The following LVRN variants were observed in gnomAD, a reference collection of about 807,000 sequenced individuals.
LVRN encodes the protein laeverin, also known as aminopeptidase Q.
In LVRN, 99 loss-of-function variants were observed where a neutral mutation model predicts 111.4. That is an observed-to-expected ratio of 0.89 (90% CI 0.76 to 1.05). LVRN has a LOEUF of 1.05. Among genes scored for constraint, LVRN ranks in the 50% least tolerant of loss-of-function variants. The pLI, the probability that LVRN is intolerant of heterozygous loss-of-function variation, is 0.00. For synonymous variants in LVRN, 488 were observed against 449.5 expected, an observed-to-expected ratio of 1.09 and a Z score of -1.08; for missense variants, 1,414 against 1,206.8, an observed-to-expected ratio of 1.17 and a Z score of -2.54.
chr5:115,993,100 T>A (rs747276204), intron 5 of LVRN, among the ~76,000 whole-genome samples: 1 of 152,224 alleles, frequency 6.6e-6, no homozygotes, highest in Non-Finnish European at 1.5e-5. Flanking sequence ...TTAGTAATTA[T>A]AGCTGTTATA....
chr5:115,990,625 G>A (rs1345535749), intron 4 of LVRN, among the ~76,000 whole-genome samples: 1 of 152,134 alleles, frequency 6.6e-6, no homozygotes, highest in Non-Finnish European at 1.5e-5. Context: ...AGCCTAGAGT[G>A]CAGTGGTGCA....
Position 116,000,415 on chromosome 5 carries a change from C to T in LVRN, c.1516-18C>T. 3.1e-6 allele frequency: 5 copies of T among 1,613,250 alleles called. No homozygotes were observed. Among genetic ancestry groups the T allele is most frequent in the Non-Finnish European group, 4.2e-6 (5 of 1,179,224 alleles). On this transcript the variant is annotated intron_variant, in intron 7 of 19. Transcript: ENST00000357872. ...TATTGAATTTTGTTCAAATAATGGA[C>T]AGCTTCTTTTGTCCTAGGGAGCGTC... is the stretch of plus-strand genomic sequence containing the variant.
rs1033511286 is a variant in LVRN at position 115,965,783 on chromosome 5, C to T, written c.695+2471C>T. On this transcript the variant is annotated intron_variant, in intron 1 of 19. Coordinates refer to ENST00000357872, the MANE Select transcript of LVRN (RefSeq NM_173800.5). ...TCTTGCTGCCCTGTGAAGAAAGTAC[C>T]TTTCTTCCCCTTTCTTCCCCTTCAT... Among the ~76,000 whole-genome samples the T allele has an allele frequency of 2.0e-5, 3 of 151,806 alleles. No individual in the cohort carries two copies. The East Asian group carries it at 6.0e-4, about 30-fold the overall frequency.
Position 116,026,034 on chromosome 5 carries a change from C to G in LVRN, c.2889C>G (p.Ala963=). 6.2e-7 allele frequency: 1 copy of G among 1,613,840 alleles called. No homozygotes were observed. Among genetic ancestry groups the G allele is most frequent in the Middle Eastern group, 1.6e-4 (1 of 6,062 alleles). Residue 963 remains alanine (A), a synonymous_variant, in exon 20 of 20, where the codon GCC becomes GCG. Transcript: ENST00000357872. ...AACACCAGAGGATCAGAGTTCATGC[C>G]AACTTACAGACAATAAAGAATGAAA... ...LEEHQRIRVH[A]NLQTIKNENL...
At position 115,999,868 on chromosome 5, in the gene LVRN, T is replaced by C; in HGVS notation, c.1481T>C (p.Ile494Thr). 2 of 1,613,366 alleles carry C rather than the reference T, an allele frequency of 1.2e-6. No homozygotes were observed. The highest frequency in any genetic ancestry group is 1.1e-5 in the South Asian group (1 of 90,944). ...GTGGAAAATTTCAAAACAAGTGAAATACAGGAACTCTTTGACATATTTACT... is the reference window on the plus strand; with the variant it reads ...GTGGAAAATTTCAAAACAAGTGAAACACAGGAACTCTTTGACATATTTACT... ...MKVENFKTSEIQELFDIFTYS... is the reference protein window; with the variant it reads ...MKVENFKTSETQELFDIFTYS... Residue 494 changes from isoleucine (I) to threonine (T), a missense_variant, in exon 7 of 20, where the codon ATA becomes ACA. Ile to Thr is a moderately conservative substitution (Grantham distance 89). Coordinates refer to ENST00000357872, the MANE Select transcript of LVRN (RefSeq NM_173800.5).
chr5:116,014,613 A>G, intron 16 of LVRN, 86 bp downstream of exon 16: 4 of 1,093,128 alleles, frequency 3.7e-6, no homozygotes, highest in Non-Finnish European at 5.5e-6. Context: ...TGTGGGAATG[A>G]GTGTTTTGCT....
At chr5:116,019,728 C>T (rs934863130) in intron 18 of LVRN, among the ~76,000 whole-genome samples, 3 of 152,204 alleles carry the variant, frequency 2.0e-5, no homozygotes, top group African/African-American at 4.8e-5. Flanking sequence ...CTTTGCGCCC[C>T]TCCCATAAGG....
intron 1 of LVRN, among the ~76,000 whole-genome samples, chr5:115,973,102 G>T (rs1183925871): frequency 1.3e-5 from 2 of 151,826 alleles, no homozygotes; most frequent in Non-Finnish European, 2.9e-5. Flanking sequence ...CTGATTTTTT[G>T]TATTTTTAGT....
intron 19 of LVRN, among the ~76,000 whole-genome samples, chr5:116,025,106 G>T (rs967694842): frequency 6.6e-6 from 1 of 152,156 alleles, no homozygotes; most frequent in Admixed American, 6.6e-5. Flanking sequence ...CACACTATCC[G>T]TGATGTGGAG....
rs1450907146 is a variant in LVRN at position 115,983,371 on chromosome 5, T to C, written c.780T>C (p.Phe260=). ...ATGAGCCAGCTCTGAAGGCAACTTT[T>C]AATATTACAATGATTCATCATCCAA... ...CFDEPALKAT[F]NITMIHHPSY... Residue 260 remains phenylalanine, a synonymous_variant, in exon 2 of 20, where the codon TTT becomes TTC. Coordinates refer to ENST00000357872, the MANE Select transcript of LVRN (RefSeq NM_173800.5). The C allele has an allele frequency of 8.7e-6, 14 of 1,611,198 alleles. No individual in the cohort carries two copies. The highest frequency in any genetic ancestry group is 1.1e-5 in the South Asian group (1 of 90,298).
chr5:115,996,575 G>A (rs1748117591), intron 6 of LVRN, among the ~76,000 whole-genome samples: 1 of 152,130 alleles, frequency 6.6e-6, no homozygotes, highest in Non-Finnish European at 1.5e-5. Flanking sequence ...TTGAGTAACA[G>A]AATCATAGAC....
chr5:115,986,721 G>A (rs1332754297), intron 3 of LVRN, among the ~76,000 whole-genome samples: 1 of 152,192 alleles, frequency 6.6e-6, no homozygotes, highest in Non-Finnish European at 1.5e-5. Flanking sequence ...TGGTTAATGT[G>A]TGGCATGAGA....
At chr5:116,023,440 G>A (rs977080280) in intron 19 of LVRN, 1 of 152,190 alleles carries the variant, frequency 6.6e-6, no homozygotes, top group African/African-American at 2.4e-5. Flanking sequence ...CTTTCTCACA[G>A]CTTCAAGAGT....
chr5:116,003,396 A>G lies in LVRN; in HGVS notation c.2037+16A>G. The G allele has an allele frequency of 7.5e-7, 1 of 1,340,344 alleles. No individual in the cohort carries two copies. The highest frequency in any genetic ancestry group is 1.5e-5 in the South Asian group (1 of 66,780). 83.0% of individuals were successfully genotyped at this position (1,340,344 alleles called of 1,614,324 possible). On this transcript the variant is annotated intron_variant, in intron 12 of 19. Coordinates refer to ENST00000357872, the MANE Select transcript of LVRN (RefSeq NM_173800.5). ...GGATCCTAAGGTAAGGTTACTTTTG[A>G]TACTTTTAATTAAATATAATTTATA...
chr5:116,009,380 T>G (rs572518151), intron 13 of LVRN, among the ~76,000 whole-genome samples: 2 of 152,300 alleles, frequency 1.3e-5, no homozygotes, highest in Non-Finnish European at 2.9e-5. Context: ...ACTAACACAA[T>G]ATCAATTCTT....
Position 115,983,350 on chromosome 5 carries a change from G to A in LVRN, c.759G>A (p.Glu253=). The change falls in exon 2 of 20, where the codon GAG becomes GAA. Residue 253 remains glutamate (E), a synonymous_variant. Transcript: ENST00000357872. ...FARYVFPCFD[E]PALKATFNIT... is the part of the protein sequence containing the mutation. ...GGTATGTTTTCCCTTGTTTTGATGA[G>A]CCAGCTCTGAAGGCAACTTTTAATA... 6.2e-7 allele frequency: 1 copy of A among 1,611,862 alleles called. No individual in the cohort carries two copies. Among genetic ancestry groups the A allele is most frequent in the Admixed American group, 1.7e-5 (1 of 59,450 alleles).
At chr5:116,001,826 G>C (rs950989280) in intron 10 of LVRN, among the ~76,000 whole-genome samples, 1 of 152,154 alleles carries the variant, frequency 6.6e-6, no homozygotes, top group Non-Finnish European at 1.5e-5. Context: ...TTTAAGCTCT[G>C]TGAGTTTCAG....
chr5:116,013,767 C>G (rs1748540557), intron 15 of LVRN, among the ~76,000 whole-genome samples: 1 of 152,110 alleles, frequency 6.6e-6, no homozygotes, highest in South Asian at 2.1e-4. Flanking sequence ...GGAGTAGGGA[C>G]CACAAGGCAT....
intron 1 of LVRN, among the ~76,000 whole-genome samples, chr5:115,979,270 C>G (rs1326979456): frequency 1.3e-5 from 2 of 152,142 alleles, no homozygotes; most frequent in Admixed American, 1.3e-4. Flanking sequence ...AGACCTTGGC[C>G]ATACCATCAA....
Sources: allele counts gnomAD v4.1 joint callset (sites outside exome capture counted in the v4.1 genomes callset), GRCh38; gene constraint gnomAD v4.1.1; transcripts MANE v1.5; gene names NCBI Gene and HGNC (gene_info 2026-07-23, HGNC 2026-07-21).